The following ZNF761 variants were observed in gnomAD, a reference collection of about 807,000 sequenced individuals.
ZNF761 encodes zinc finger protein 761.
Under a neutral mutation model 59.9 loss-of-function variants are expected in ZNF761, and 43 were observed. That is an observed-to-expected ratio of 0.72 (90% CI 0.56 to 0.92). ZNF761 has a LOEUF of 0.92. Among genes scored for constraint, ZNF761 ranks in the 40% least tolerant of loss-of-function variants. ZNF761 has a pLI of 0.00. For synonymous variants in ZNF761, 294 were observed against 304.8 expected, an observed-to-expected ratio of 0.96 and a Z score of 0.37; for missense variants, 850 against 906.1, an observed-to-expected ratio of 0.94 and a Z score of 0.79.
chr19:53,448,993 C>T (rs183698647), intron 3 of ZNF761, among the ~76,000 whole-genome samples: 3 of 152,154 alleles, frequency 2.0e-5, no homozygotes, highest in East Asian at 1.9e-4. Flanking sequence ...AGACATCACC[C>T]GTACTCTGTC....
chr19:53,447,294 A>AT lies in ZNF761; in HGVS notation c.15+15dup, dbSNP rs757890882. 1 of 1,612,918 alleles carries AT rather than the reference A, an allele frequency of 6.2e-7. No homozygotes were observed. The highest frequency in any genetic ancestry group is 1.3e-5 in the African/African-American group (1 of 74,852). ...ATGGCTTTTTCTCAGGTGAGATGAT[A>AT]TTTTCAGTGGATTGTTCTGTCTCCT... is the stretch of plus-strand genomic sequence containing the variant. On this transcript the variant is annotated intron_variant, in intron 3 of 4. Transcript: ENST00000684525.
At chr19:53,452,231 C>G (rs1380428962) in intron 4 of ZNF761, among the ~76,000 whole-genome samples, 7 of 152,078 alleles carry the variant, frequency 4.6e-5, no homozygotes, top group Non-Finnish European at 4.4e-5. Flanking sequence ...GCCTGTAATC[C>G]CAGCACTTTG....
chr19:53,435,897 A>G (rs2086037100), intron 1 of ZNF761, among the ~76,000 whole-genome samples: 2 of 152,204 alleles, frequency 1.3e-5, no homozygotes, highest in Non-Finnish European at 2.9e-5. Flanking sequence ...TAAGATTTCT[A>G]ACCACATTTA....
Position 53,455,356 on chromosome 19 carries a change from A to T in ZNF761, c.849A>T (p.Ser283=), listed in dbSNP as rs1301848262. ...NECGKTFSQT[S]SLTCHRRLHT... ...GTGGCAAGACCTTCAGTCAGACGTC[A>T]TCCCTTACATGCCATCGTAGACTTC... is the stretch of plus-strand genomic sequence containing the variant. Residue 283 remains serine (S), a synonymous_variant, in exon 5 of 5, where the codon TCA becomes TCT. Coordinates refer to ENST00000684525, the MANE Select transcript of ZNF761 (RefSeq NM_001289951.2). 4 of 1,614,214 alleles carry T rather than the reference A, an allele frequency of 2.5e-6. No individual in the cohort carries two copies. Among genetic ancestry groups the T allele is most frequent in the Admixed American group, 3.3e-5 (2 of 60,030 alleles).
Position 53,447,290 on chromosome 19 carries a change from T to G in ZNF761, c.15+7T>G, listed in dbSNP as rs1471361794. The G allele has an allele frequency of 6.2e-7, 1 of 1,613,060 alleles. No individual in the cohort carries two copies. Among genetic ancestry groups the G allele is most frequent in the Admixed American group, 1.7e-5 (1 of 59,948 alleles). On this transcript the variant is annotated splice_region_variant and intron_variant, in intron 3 of 4. Transcript: ENST00000684525. ...AGGGATGGCTTTTTCTCAGGTGAGA[T>G]GATATTTTCAGTGGATTGTTCTGTC...
chr19:53,434,534 G>A (rs2147119056), intron 1 of ZNF761, among the ~76,000 whole-genome samples: 1 of 152,276 alleles, frequency 6.6e-6, no homozygotes, highest in East Asian at 1.9e-4. Context: ...GGGTTTGGAT[G>A]AGGTGATCTG....
intron 4 of ZNF761, among the ~76,000 whole-genome samples, chr19:53,453,530 A>C (rs750798499): frequency 6.6e-6 from 1 of 152,170 alleles, no homozygotes; most frequent in African/African-American, 2.4e-5. Context: ...ATTGTACATG[A>C]GGCTTTTCGG....
chr19:53,449,244 C>A (rs1047335160), intron 3 of ZNF761, among the ~76,000 whole-genome samples: 1 of 151,950 alleles, frequency 6.6e-6, no homozygotes, highest in African/African-American at 2.4e-5. Context: ...GCAGGAAAAT[C>A]GCTTGATCCT....
chr19:53,449,740 G>C, intron 4 of ZNF761, 102 bp downstream of exon 4: 1 of 1,571,298 alleles, frequency 6.4e-7, no homozygotes, highest in Non-Finnish European at 8.6e-7. Context: ...CCAGGGTAGA[G>C]TGCAATGGTG....
rs1568819284 is a variant in ZNF761 at position 53,457,177 on chromosome 19, A to C, written c.*429A>C. 1 of 509,714 alleles carries C rather than the reference A, an allele frequency of 2.0e-6. No individual in the cohort carries two copies. The highest frequency in any genetic ancestry group is 5.2e-5 in the East Asian group (1 of 19,374). 31.6% of individuals were successfully genotyped at this position (509,714 alleles called of 1,614,324 possible). ...CTTTACTAAGGTAATGATTGTCACA[A>C]AGTCTTCAGTAATGCTACAACCATT... On this transcript the variant is annotated 3_prime_UTR_variant, in exon 5 of 5. Transcript: ENST00000684525.
At position 53,454,841 on chromosome 19, in the gene ZNF761, C is replaced by T. The variant is rs1437810406; in HGVS notation, c.334C>T (p.Pro112Ser). 1 of 1,614,078 alleles carries T rather than the reference C, an allele frequency of 6.2e-7. No individual in the cohort carries two copies. Residue 112 changes from proline (P) to serine (S), a missense_variant, in exon 5 of 5, where the codon CCC becomes TCC. Coordinates refer to ENST00000684525, the MANE Select transcript of ZNF761 (RefSeq NM_001289951.2). ...AGATGAAAGAAATGGCCATGAAGCA[C>T]CCATGACAAAAATCAAAAAGTTGAC... is the stretch of plus-strand genomic sequence containing the variant. Reference protein sequence around the residue: ...QEDERNGHEAPMTKIKKLTGI... With the variant: ...QEDERNGHEASMTKIKKLTGI...
chr19:53,449,855 T>C, intron 4 of ZNF761: 3 of 1,130,122 alleles, frequency 2.7e-6, no homozygotes, highest in Non-Finnish European at 3.6e-6. Flanking sequence ...TTTGGGCAAA[T>C]TTTTTAGTTT....
At chr19:53,454,602 T>G (rs1189996704) in intron 4 of ZNF761, 48 bp from the exon 5 acceptor site, 1 of 1,511,234 alleles carries the variant, frequency 6.6e-7, no homozygotes, top group Non-Finnish European at 8.9e-7. Flanking sequence ...TCAGCATTAT[T>G]TACCATCTGT....
intron 1 of ZNF761, among the ~76,000 whole-genome samples, chr19:53,433,214 A>G (rs757348377): frequency 3.3e-5 from 5 of 152,204 alleles, no homozygotes; most frequent in Admixed American, 6.5e-5. Context: ...GAGCATTTCA[A>G]CAAAGACGGA....
intron 1 of ZNF761, among the ~76,000 whole-genome samples, chr19:53,437,364 G>A (rs1399841316): frequency 5.3e-5 from 8 of 151,864 alleles, no homozygotes; most frequent in African/African-American, 1.9e-4. Flanking sequence ...TGCTAATGCT[G>A]TTTTTCTTAT....
In ZNF761 at chr19:53,432,014, G is replaced by T. The variant is rs764219563; in HGVS notation, c.-199G>T. ...AGGAAGCGGATAGCGTGGAGTGACG[G>T]TGCCACCGCGGCGCGTGAGTTTCGC... is the stretch of plus-strand genomic sequence containing the variant. On this transcript the variant is annotated 5_prime_UTR_variant, in exon 1 of 5. Transcript: ENST00000684525. 10 of 152,932 alleles carry T rather than the reference G, an allele frequency of 6.5e-5. No individual in the cohort carries two copies. The highest frequency in any genetic ancestry group is 1.2e-4 in the Non-Finnish European group (8 of 68,436). 9.5% of individuals were successfully genotyped at this position (152,932 alleles called of 1,614,324 possible). A position where few individuals can be genotyped will look rare whatever the true frequency, so the allele number is the denominator to read the frequency against.
chr19:53,434,532 A>T (rs796399409), intron 1 of ZNF761, among the ~76,000 whole-genome samples: 1 of 152,140 alleles, frequency 6.6e-6, no homozygotes, highest in Admixed American at 6.5e-5. Context: ...ATGGGTTTGG[A>T]TGAGGTGATC....
In ZNF761 at chr19:53,431,992, AAGCGGAT is replaced by A. The variant is rs1248204252; in HGVS notation, c.-216_-210del. On this transcript the variant is annotated 5_prime_UTR_variant, in exon 1 of 5. Coordinates refer to ENST00000684525, the MANE Select transcript of ZNF761 (RefSeq NM_001289951.2). ...CGCGCGCAGATTCGTGCAGACCAGG[AAGCGGAT>A]AGCGTGGAGTGACGGTGCCACCGCG... The A allele has an allele frequency of 2.0e-5, 3 of 152,888 alleles. No individual in the cohort carries two copies. The highest frequency in any genetic ancestry group is 4.4e-5 in the Non-Finnish European group (3 of 68,438). 9.5% of individuals were successfully genotyped at this position (152,888 alleles called of 1,614,324 possible).
intron 1 of ZNF761, among the ~76,000 whole-genome samples, chr19:53,434,316 A>G (rs533135843): frequency 1.3e-5 from 2 of 152,290 alleles, no homozygotes; most frequent in African/African-American, 4.8e-5. Flanking sequence ...TATTGTAGAC[A>G]GGATACCTTC....
Sources: gnomAD v4.1 joint callset for allele counts (sites outside exome capture counted in the v4.1 genomes callset) on GRCh38, gnomAD v4.1.1 for gene constraint, MANE v1.5 for transcripts, NCBI Gene and HGNC (gene_info 2026-07-23, HGNC 2026-07-21) for gene names.